The following TNFRSF10A variants were observed in gnomAD, a reference collection of about 807,000 sequenced individuals.
TNFRSF10A encodes tumor necrosis factor receptor superfamily member 10A.
Under a neutral mutation model 42.8 loss-of-function variants are expected in TNFRSF10A, and 44 were observed. The ratio of observed to expected loss-of-function variants is 1.03; its 90% CI spans 0.81 to 1.32. The LOEUF is 1.32. TNFRSF10A is among the 40% of genes most tolerant of loss of function. TNFRSF10A has a pLI of 0.00. For synonymous variants in TNFRSF10A, 259 were observed against 234.2 expected (o/e 1.11, Z -0.97); for missense variants, 680 against 602.0 (o/e 1.13, Z -1.36).
chr8:23,213,250 T>G (rs1401424821), intron 1 of TNFRSF10A, among the ~76,000 whole-genome samples: 2 of 151,966 alleles, frequency 1.3e-5, no homozygotes, highest in Non-Finnish European at 2.9e-5. Context: ...CCCTCTTTCA[T>G]TTCTGGTTTT....
intron 1 of TNFRSF10A, among the ~76,000 whole-genome samples, chr8:23,222,166 C>T (rs1482489511): frequency 1.3e-5 from 2 of 152,110 alleles, no homozygotes; most frequent in African/African-American, 4.8e-5. Context: ...CGTTAGCCAC[C>T]GCACCCGGCC....
chr8:23,221,641 A>C (rs966450433), intron 1 of TNFRSF10A, among the ~76,000 whole-genome samples: 2 of 152,106 alleles, frequency 1.3e-5, no homozygotes. Context: ...AGCCGACCAC[A>C]GTTTCCTAAG....
At chr8:23,219,747 CCG>C (rs1801232154) in intron 1 of TNFRSF10A, among the ~76,000 whole-genome samples, 1 of 152,226 alleles carries the variant, frequency 6.6e-6, no homozygotes, top group Non-Finnish European at 1.5e-5. Flanking sequence ...AGGACTGTCC[CCG>C]CTCCCTCCAC....
chr8:23,218,345 T>C (rs1801213531), intron 1 of TNFRSF10A, among the ~76,000 whole-genome samples: 1 of 152,040 alleles, frequency 6.6e-6, no homozygotes, highest in Non-Finnish European at 1.5e-5. Context: ...CAGAGGTAAG[T>C]TTGATATTCA....
chr8:23,213,824 AGCTATCATTTTCCATTATAACACT>A (rs1801135071), intron 1 of TNFRSF10A, among the ~76,000 whole-genome samples: 1 of 152,202 alleles, frequency 6.6e-6, no homozygotes, highest in Non-Finnish European at 1.5e-5. Context: ...GAGCATTTAC[AGCTATCATTTTCCATTATAACACT>A]GCTTTCATAT....
chr8:23,220,924 A>T (rs1801247805), intron 1 of TNFRSF10A, among the ~76,000 whole-genome samples: 1 of 152,218 alleles, frequency 6.6e-6, no homozygotes, highest in African/African-American at 2.4e-5. Context: ...AACTGCAACC[A>T]GTGCCGGGTG....
chr8:23,201,709 G>T, intron 4 of TNFRSF10A, 99 bp downstream of exon 4: 2 of 1,123,416 alleles, frequency 1.8e-6, no homozygotes, highest in Non-Finnish European at 1.3e-6. Context: ...TGGGGTCAGG[G>T]CTGATAGATA....
At chr8:23,207,216 C>A (rs1264436462) in intron 2 of TNFRSF10A, 4 of 598,540 alleles carry the variant, frequency 6.7e-6, no homozygotes, top group Admixed American at 1.9e-5. Flanking sequence ...AACCAACAAG[C>A]ACCAGATCAA....
At chr8:23,218,921 C>T (rs1049311412) in intron 1 of TNFRSF10A, among the ~76,000 whole-genome samples, 3 of 152,220 alleles carry the variant, frequency 2.0e-5, no homozygotes, top group Middle Eastern at 3.2e-3. Flanking sequence ...GCTTGGCACA[C>T]GCAAGTACTG....
intron 2 of TNFRSF10A, among the ~76,000 whole-genome samples, chr8:23,211,427 A>G (rs574502756): frequency 6.6e-6 from 1 of 152,314 alleles, no homozygotes; most frequent in South Asian, 2.1e-4. Context: ...AAAAAAACTC[A>G]TGCTTTGGGA....
At chr8:23,224,648 CG>C in intron 1 of TNFRSF10A, 107 bp downstream of exon 1, 1 of 1,387,790 alleles carries the variant, frequency 7.2e-7, no homozygotes, top group African/African-American at 1.5e-5. Context: ...GGACATGCCC[CG>C]CCACAAGTGA....
In TNFRSF10A at chr8:23,209,633, C is replaced by CA. The variant is rs545197203; in HGVS notation, c.403+2482dup. 2.1e-4 allele frequency among the ~76,000 whole-genome samples: 32 copies of CA among 152,332 alleles called. 1 individual carries two copies. In the East Asian group the frequency reaches 6.2e-3, roughly 29 times the overall value. On this transcript the variant is annotated intron_variant, in intron 2 of 9. Transcript: ENST00000221132. ...TCTGACTGCCCTGCTGGATTTCAAACATGCATGGGGCCTGTAGCCCTTTGT... is the reference window on the plus strand; with the variant it reads ...TCTGACTGCCCTGCTGGATTTCAAACAATGCATGGGGCCTGTAGCCCTTTGT...
intron 1 of TNFRSF10A, among the ~76,000 whole-genome samples, chr8:23,216,070 G>A (rs149898786): frequency 1.3e-5 from 2 of 151,918 alleles, no homozygotes; most frequent in African/African-American, 4.8e-5. Flanking sequence ...CGCCTGCCTC[G>A]GCCTCCCAAA....
Position 23,191,394 on chromosome 8 carries a change from G to T in TNFRSF10A, c.*300C>A, listed in dbSNP as rs996364407. 9.1e-6 allele frequency: 4 copies of T among 438,648 alleles called. No individual in the cohort carries two copies. Among genetic ancestry groups the T allele is most frequent in the Admixed American group, 4.0e-5 (1 of 25,140 alleles). The allele number at this position is 438,648 out of a possible 1,614,324, so 27.2% of individuals were successfully genotyped here. A position where few individuals can be genotyped will look rare whatever the true frequency, so the allele number is the denominator to read the frequency against. On this transcript the variant is annotated 3_prime_UTR_variant, in exon 10 of 10. Coordinates refer to ENST00000221132, the MANE Select transcript of TNFRSF10A (RefSeq NM_003844.4). ...GCAATCTCAGCTCACTGCCTCGTGG[G>T]TTCAAGTGATTCTCCTGCCTCAGCC...
chr8:23,224,239 G>A (rs1801297616), intron 1 of TNFRSF10A, among the ~76,000 whole-genome samples: 1 of 143,910 alleles, frequency 6.9e-6, no homozygotes, highest in Admixed American at 7.2e-5. Context: ...GGCGGAGCTT[G>A]CAGTGAGCCG....
chr8:23,224,877 T>TGG lies in TNFRSF10A; in HGVS notation c.184_185insCC (p.His62ProfsTer182). On this transcript the variant is annotated frameshift_variant, in exon 1 of 10. Transcript: ENST00000221132. LOFTEE classifies it high-confidence loss of function. The stretch of plus-strand genomic sequence containing the variant: ...TGCCCGGGCCCGGGCACTGGGTCCG[T>TGG]GCTGTCCCATGGAGGTAGGGAGCGC... The TGG allele has an allele frequency of 6.3e-7, 1 of 1,582,016 alleles. No homozygotes were observed. The highest frequency in any genetic ancestry group is 8.6e-7 in the Non-Finnish European group (1 of 1,164,182).
At chr8:23,213,976 G>C (rs1391586968) in intron 1 of TNFRSF10A, among the ~76,000 whole-genome samples, 1 of 151,930 alleles carries the variant, frequency 6.6e-6, no homozygotes, top group African/African-American at 2.4e-5. Flanking sequence ...TTGTTACATG[G>C]ATAAGTTCTT....
intron 7 of TNFRSF10A, among the ~76,000 whole-genome samples, chr8:23,199,677 T>C (rs539403141): frequency 1.3e-5 from 2 of 152,148 alleles, no homozygotes; most frequent in Admixed American, 6.5e-5. Flanking sequence ...ACCTGGGCTG[T>C]AGGAAGCACA....
At chr8:23,216,612 G>T (rs576832931) in intron 1 of TNFRSF10A, among the ~76,000 whole-genome samples, 1 of 152,170 alleles carries the variant, frequency 6.6e-6, no homozygotes, top group South Asian at 2.1e-4. Context: ...CGTGCTGGCA[G>T]GTGCCTATAG....
Sources: gnomAD v4.1 joint callset for allele counts (sites outside exome capture counted in the v4.1 genomes callset) on GRCh38, gnomAD v4.1.1 for gene constraint, MANE v1.5 for transcripts, NCBI Gene and HGNC (gene_info 2026-07-23, HGNC 2026-07-21) for gene names.